Variants in RPAP2 observed in about 807,000 individuals in gnomAD.
RPAP2 encodes the protein RNA polymerase II associated protein 2.
RPAP2 carries 52 observed loss-of-function variants against 73.1 expected under a neutral mutation model. The observed-to-expected ratio is 0.71, with a 90% confidence interval of 0.57 to 0.90. The LOEUF is 0.90. Ranked by LOEUF, RPAP2 falls within the 40% of genes least tolerant of loss-of-function variation. RPAP2 has a pLI of 0.00. For missense variants in RPAP2, 598 were observed against 701.8 expected, an observed-to-expected ratio of 0.85 and a Z score of 1.67; for synonymous variants, 225 against 242.1, an observed-to-expected ratio of 0.93 and a Z score of 0.65.
At chr1:92,321,113 C>CAAA (rs979827029) in intron 7 of RPAP2, among the ~76,000 whole-genome samples, 1 of 150,840 alleles carries the variant, frequency 6.6e-6, no homozygotes, top group African/African-American at 2.5e-5. Context: ...GGCCATCTCT[C>CAAA]AAAACACATC....
chr1:92,303,216 A>G (rs1269512427), intron 3 of RPAP2, among the ~76,000 whole-genome samples: 1 of 152,182 alleles, frequency 6.6e-6, no homozygotes, highest in East Asian at 1.9e-4. Flanking sequence ...GAACATGACA[A>G]TTCATATTTT....
At position 92,320,580 on chromosome 1, in the gene RPAP2, T is replaced by C; in HGVS notation, c.489-19T>C. On this transcript the variant is annotated intron_variant, in intron 6 of 12. Transcript: ENST00000610020. ...CCACCGCACCCGGCCTAATTTTTAT[T>C]TCTGTGTTCTTATTACAGGCATCCT... 2.5e-6 allele frequency: 4 copies of C among 1,608,338 alleles called. No individual in the cohort carries two copies. The highest frequency in any genetic ancestry group is 3.4e-6 in the Non-Finnish European group (4 of 1,175,516).
At position 92,399,844 on chromosome 1, in the gene RPAP2, A is replaced by G. The variant is rs1365735697; in HGVS notation, c.*12833A>G. 1 of 152,190 alleles carries G rather than the reference A, an allele frequency of 6.6e-6. No homozygotes were observed. The highest frequency in any genetic ancestry group is 1.5e-5 in the Non-Finnish European group (1 of 68,042). The allele number at this position is 152,190 out of a possible 1,614,324, so 9.4% of individuals were successfully genotyped here. On this transcript the variant is annotated 3_prime_UTR_variant, in exon 13 of 13. Transcript: ENST00000610020. Reference sequence around the variant, plus strand: ...CACTATGGCCACAATGGGAGAAAAGACAGTCCACCTTCAAAGTCAACCAGA... The same window carrying G: ...CACTATGGCCACAATGGGAGAAAAGGCAGTCCACCTTCAAAGTCAACCAGA...
Position 92,394,338 on chromosome 1 carries a change from T to A in RPAP2, c.*7327T>A, listed in dbSNP as rs1656129499. The stretch of plus-strand genomic sequence containing the variant: ...CCAGGGCCTGTGGGGGGTGGGGGGC[T>A]AAGGGAGGGATAACATTAGGAGAAA... On this transcript the variant is annotated 3_prime_UTR_variant, in exon 13 of 13. Transcript: ENST00000610020. 2 of 151,688 alleles carry A rather than the reference T, an allele frequency of 1.3e-5. No homozygotes were observed. Among genetic ancestry groups the A allele is most frequent in the Non-Finnish European group, 2.9e-5 (2 of 67,952 alleles). 9.4% of individuals were successfully genotyped at this position (151,688 alleles called of 1,614,324 possible).
chr1:92,345,837 A>G lies in RPAP2; in HGVS notation c.1620-9A>G, dbSNP rs1336910048. The G allele has an allele frequency of 1.3e-5, 20 of 1,518,522 alleles. No homozygotes were observed. In the East Asian group the frequency reaches 1.4e-4, roughly 10 times the overall value. The allele number at this position is 1,518,522 out of a possible 1,614,324, so 94.1% of individuals were successfully genotyped here. A position where few individuals can be genotyped will look rare whatever the true frequency, so the allele number is the denominator to read the frequency against. Reference sequence around the variant, plus strand: ...AACACTCCTTGGATAAATTTTATCTATCTTTCAGGTTAACAAATAGAAATA... The same window carrying G: ...AACACTCCTTGGATAAATTTTATCTGTCTTTCAGGTTAACAAATAGAAATA... On this transcript the variant is annotated splice_polypyrimidine_tract_variant and intron_variant, in intron 10 of 12. Transcript: ENST00000610020.
Position 92,398,852 on chromosome 1 carries a change from T to G in RPAP2, c.*11841T>G, listed in dbSNP as rs1289696013. 1 of 152,238 alleles carries G rather than the reference T, an allele frequency of 6.6e-6. No individual in the cohort carries two copies. The highest frequency in any genetic ancestry group is 1.5e-5 in the Non-Finnish European group (1 of 68,042). 9.4% of individuals were successfully genotyped at this position (152,238 alleles called of 1,614,324 possible). A position where few individuals can be genotyped will look rare whatever the true frequency, so the allele number is the denominator to read the frequency against. ...CTGATAAAGAAATGCCTTCATGAAA[T>G]GTATTGTTCCCCAATAAAGCTCATT... is the stretch of plus-strand genomic sequence containing the variant. On this transcript the variant is annotated 3_prime_UTR_variant, in exon 13 of 13. Coordinates refer to ENST00000610020, the MANE Select transcript of RPAP2 (RefSeq NM_024813.3).
intron 7 of RPAP2, 64 bp downstream of exon 7, chr1:92,320,698 AC>A (rs1380233630): frequency 1.5e-6 from 2 of 1,327,930 alleles, no homozygotes; most frequent in Non-Finnish European, 2.1e-6. Flanking sequence ...TTAGGAGTGA[AC>A]CAGGTGATAT....
At chr1:92,343,583 G>T (rs971251513) in intron 10 of RPAP2, among the ~76,000 whole-genome samples, 1 of 152,018 alleles carries the variant, frequency 6.6e-6, no homozygotes, top group Admixed American at 6.6e-5. Flanking sequence ...TCTAAAATTT[G>T]ATTCAGGTAT....
chr1:92,304,228 T>A, intron 4 of RPAP2, 56 bp from the exon 5 acceptor site: 1 of 1,254,574 alleles, frequency 8.0e-7, no homozygotes, highest in Non-Finnish European at 1.2e-6. Context: ...TCTTGTAACA[T>A]AACGTTCATG....
rs1048640967 is a variant in RPAP2 at position 92,390,577 on chromosome 1, C to G, written c.*3566C>G. 1 of 152,064 alleles carries G rather than the reference C, an allele frequency of 6.6e-6. No individual in the cohort carries two copies. The highest frequency in any genetic ancestry group is 2.4e-5 in the African/African-American group (1 of 41,404). 9.4% of individuals were successfully genotyped at this position (152,064 alleles called of 1,614,324 possible). ...CTTAAATGTAAATGGGATAAATGCC[C>G]CAATTAAAAGACACAGACTGGCAAA... On this transcript the variant is annotated 3_prime_UTR_variant, in exon 13 of 13. Transcript: ENST00000610020.
chr1:92,328,396 G>T (rs1652769741), intron 8 of RPAP2, among the ~76,000 whole-genome samples: 3 of 152,124 alleles, frequency 2.0e-5, no homozygotes, highest in African/African-American at 7.2e-5. Context: ...CAAAAGCCTT[G>T]TCTTGAAGCT....
chr1:92,371,319 A>AAATATATATATATATATAT (rs1199565882), intron 11 of RPAP2, among the ~76,000 whole-genome samples: 2 of 61,730 alleles, frequency 3.2e-5, no homozygotes, highest in African/African-American at 1.4e-4. Context: ...AAAAAAAAAA[A>AAATATATATATATATATAT]ATATATATAT....
At chr1:92,313,259 G>A (rs764674983) in intron 6 of RPAP2, among the ~76,000 whole-genome samples, 1 of 152,130 alleles carries the variant, frequency 6.6e-6, no homozygotes, top group East Asian at 1.9e-4. Context: ...TCACTCTATG[G>A]CAACTATACC....
rs143394900 is a variant in RPAP2, at chr1:92,301,575, G to C, written c.219G>C (p.Glu73Asp). ...TTTTAGAGGAGAATATTACAGAAGAGTTCCTAATGGAGTGTGTATGTGTTA... is the reference window on the plus strand; with the variant it reads ...TTTTAGAGGAGAATATTACAGAAGACTTCCTAATGGAGTGTGTATGTGTTA... ...EQLLEENITE[E>D]FLMECGRFIT... Residue 73 changes from glutamate (E) to aspartate (D), a missense_variant, in exon 3 of 13, where the codon GAG becomes GAC. By Grantham distance (45) the Glu-to-Asp change is conservative. This residue lies in a region of RPAP2 where 506 missense variants were observed against 612.8 expected (regional missense o/e 0.83). Transcript: ENST00000610020. The C allele has an allele frequency of 1.4e-5, 21 of 1,468,246 alleles. No individual in the cohort carries two copies. The African/African-American group carries it at 2.7e-4, about 19-fold the overall frequency. The allele number at this position is 1,468,246 out of a possible 1,614,324, so 91.0% of individuals were successfully genotyped here. A position where few individuals can be genotyped will look rare whatever the true frequency, so the allele number is the denominator to read the frequency against.
At chr1:92,320,738 TTATG>T in intron 7 of RPAP2, 104 bp downstream of exon 7, 1 of 796,342 alleles carries the variant, frequency 1.3e-6, no homozygotes, top group South Asian at 1.9e-5. Flanking sequence ...TGCTGATGCA[TTATG>T]TAAGTGTCCC....
chr1:92,378,736 C>T (rs1196806264), intron 11 of RPAP2, among the ~76,000 whole-genome samples: 1 of 152,078 alleles, frequency 6.6e-6, no homozygotes, highest in Non-Finnish European at 1.5e-5. Context: ...CAGGAAAATG[C>T]CTCAGAAAAA....
intron 5 of RPAP2, among the ~76,000 whole-genome samples, chr1:92,305,540 A>ATTTCTATATTAAAATGTAAAACT (rs1419657120): frequency 1.3e-5 from 2 of 151,460 alleles, no homozygotes; most frequent in Non-Finnish European, 2.9e-5. Flanking sequence ...ACTGATAAAC[A>ATTTCTATATTAAAATGTAAAACT]TTTCTATATT....
Position 92,401,657 on chromosome 1 carries a change from G to GT in RPAP2, c.*14647dup, listed in dbSNP as rs1656320401. On this transcript the variant is annotated 3_prime_UTR_variant, in exon 13 of 13. Coordinates refer to ENST00000610020, the MANE Select transcript of RPAP2 (RefSeq NM_024813.3). ...TTCGCCATTAAGTACAATGTCAGCT[G>GT]TAAGTTTTCCTAGAGACCCTTTCTC... is the stretch of plus-strand genomic sequence containing the variant. The GT allele has an allele frequency of 6.6e-6, 1 of 152,212 alleles. No individual in the cohort carries two copies. The highest frequency in any genetic ancestry group is 1.5e-5 in the Non-Finnish European group (1 of 68,042). The allele number at this position is 152,212 out of a possible 1,614,324, so 9.4% of individuals were successfully genotyped here.
Position 92,368,254 on chromosome 1 carries a change from C to T in RPAP2, c.1689-12470C>T, listed in dbSNP as rs938789785. 9.9e-5 allele frequency among the ~76,000 whole-genome samples: 15 copies of T among 152,120 alleles called. 1 individual carries two copies. The highest frequency in any genetic ancestry group is 8.5e-4 in the Admixed American group (13 of 15,254). ...ATTAGCTAGGCGTGGTGGTGGGCAC[C>T]TGTAATGCCAGCTACTCGGGAGGCT... On this transcript the variant is annotated intron_variant, in intron 11 of 12. Coordinates refer to ENST00000610020, the MANE Select transcript of RPAP2 (RefSeq NM_024813.3).
Sources: gnomAD v4.1 joint callset for allele counts (sites outside exome capture counted in the v4.1 genomes callset) on GRCh38, gnomAD v4.1.1 for gene constraint, gnomAD v4.1.1 regional missense constraint, MANE v1.5 for transcripts, NCBI Gene and HGNC (gene_info 2026-07-23, HGNC 2026-07-21) for gene names.